ABCC4: variants seen among roughly 807,000 people sequenced by gnomAD.
ABCC4 encodes ATP-binding cassette sub-family C member 4.
ABCC4 carries 102 observed loss-of-function variants against 168.5 expected under a neutral mutation model. That is an observed-to-expected ratio of 0.61 (90% CI 0.52 to 0.71). The LOEUF is 0.71. Ranked by LOEUF, ABCC4 falls within the 30% of genes least tolerant of loss-of-function variation. The probability of loss-of-function intolerance (pLI) is 0.00; values close to 1 mark genes in which losing one functional copy is unlikely to be tolerated. For synonymous variants in ABCC4, 617 were observed against 590.7 expected, an observed-to-expected ratio of 1.04 and a Z score of -0.65; for missense variants, 1,402 against 1,605.8, an observed-to-expected ratio of 0.87 and a Z score of 2.17.
At chr13:95,097,099 C>A (rs1303507102) in intron 20 of ABCC4, among the ~76,000 whole-genome samples, 1 of 151,950 alleles carries the variant, frequency 6.6e-6, no homozygotes, top group Non-Finnish European at 1.5e-5. Context: ...CTATTGTTTG[C>A]AAATTTGGTA....
intron 19 of ABCC4, among the ~76,000 whole-genome samples, chr13:95,143,753 A>T (rs1302401012): frequency 2.6e-5 from 4 of 152,286 alleles, no homozygotes; most frequent in African/African-American, 9.6e-5. Flanking sequence ...AATTATAAAA[A>T]CTTGATTTAG....
At chr13:95,159,965 A>C (rs2139538776) in intron 19 of ABCC4, among the ~76,000 whole-genome samples, 1 of 152,302 alleles carries the variant, frequency 6.6e-6, no homozygotes, top group East Asian at 1.9e-4. Context: ...ATGTTGCTAC[A>C]CCCAGTTTCA....
chr13:95,191,944 C>T (rs1389508347), intron 9 of ABCC4, among the ~76,000 whole-genome samples: 5 of 152,246 alleles, frequency 3.3e-5, no homozygotes, highest in Non-Finnish European at 5.9e-5. Context: ...AAGGGGGCAG[C>T]ACTCGACAGC....
intron 27 of ABCC4, among the ~76,000 whole-genome samples, chr13:95,050,230 G>C (rs1374252094): frequency 6.6e-6 from 1 of 152,170 alleles, no homozygotes; most frequent in African/African-American, 2.4e-5. Context: ...TTCTCTACGA[G>C]AAGACCCTCA....
At chr13:95,236,170 C>T (rs1322373894) in intron 3 of ABCC4, among the ~76,000 whole-genome samples, 1 of 152,114 alleles carries the variant, frequency 6.6e-6, no homozygotes, top group Non-Finnish European at 1.5e-5. Flanking sequence ...TCCTCCCTCT[C>T]GAACCCGTTG....
At chr13:95,094,278 T>C (rs1365963663) in intron 20 of ABCC4, among the ~76,000 whole-genome samples, 1 of 152,134 alleles carries the variant, frequency 6.6e-6, no homozygotes, top group Non-Finnish European at 1.5e-5. Flanking sequence ...GATTTCAAAC[T>C]GTACTATAAG....
chr13:95,073,091 T>C, intron 24 of ABCC4, 113 bp downstream of exon 24: 1 of 766,498 alleles, frequency 1.3e-6, no homozygotes, highest in East Asian at 2.9e-5. Context: ...TTAAAAAAAA[T>C]CTGTTACCAA....
rs1349244779 is a variant in ABCC4, at chr13:95,176,227, G to C, written c.1727+1480C>G. Among the ~76,000 whole-genome samples, 210 of 37,722 alleles carry C rather than the reference G, an allele frequency of 5.6e-3. 8 individuals are homozygous for C. The highest frequency in any genetic ancestry group is 7.5e-3 in the Non-Finnish European group (137 of 18,292). 24.7% of individuals were successfully genotyped at this position (37,722 alleles called of 152,430 possible). A position where few individuals can be genotyped will look rare whatever the true frequency, so the allele number is the denominator to read the frequency against. ...AGCACTCCAGGAAGCCGAGGGCAGG[G>C]GGGGGGGGGGGGGGGGGGTGGATCC... On this transcript the variant is annotated intron_variant, in intron 13 of 30. Coordinates refer to ENST00000645237, the MANE Select transcript of ABCC4 (RefSeq NM_005845.5).
intron 13 of ABCC4, among the ~76,000 whole-genome samples, chr13:95,176,731 G>T (rs967940201): frequency 9.9e-5 from 15 of 152,190 alleles, no homozygotes; most frequent in Non-Finnish European, 4.4e-5. Flanking sequence ...ATCTGCAGGA[G>T]CATCTACCTC....
At chr13:95,244,644 A>G (rs59337063) in intron 3 of ABCC4, among the ~76,000 whole-genome samples, 932 of 38,450 alleles carry the variant, frequency 0.024, 303 homozygotes, top group Non-Finnish European at 0.034. Flanking sequence ...AAAGAAAGAA[A>G]GAAAGAAAGA....
intron 1 of ABCC4, among the ~76,000 whole-genome samples, chr13:95,297,204 G>C (rs2041556568): frequency 6.6e-6 from 1 of 151,090 alleles, no homozygotes; most frequent in Non-Finnish European, 1.5e-5. Context: ...CCTGGAGGCG[G>C]AGGTTGCAGT....
At chr13:95,029,178 A>G (rs1049783068) in intron 30 of ABCC4, among the ~76,000 whole-genome samples, 3 of 50,304 alleles carry the variant, frequency 6.0e-5, no homozygotes, top group East Asian at 5.3e-4. Flanking sequence ...ATATATATAT[A>G]TATATATATA....
chr13:95,287,644 G>A (rs2041293287), intron 1 of ABCC4, among the ~76,000 whole-genome samples: 1 of 151,936 alleles, frequency 6.6e-6, no homozygotes, highest in Non-Finnish European at 1.5e-5. Flanking sequence ...CCAGATACTT[G>A]GGAGGATCAG....
intron 9 of ABCC4, among the ~76,000 whole-genome samples, chr13:95,194,139 C>A (rs2038342952): frequency 6.6e-6 from 1 of 152,204 alleles, no homozygotes; most frequent in South Asian, 2.1e-4. Context: ...CTCAGTACTT[C>A]TTGTGGGTGG....
At chr13:95,297,345 T>C (rs562257747) in intron 1 of ABCC4, among the ~76,000 whole-genome samples, 2 of 151,368 alleles carry the variant, frequency 1.3e-5, no homozygotes, top group East Asian at 3.9e-4. Context: ...CCAACAGCCA[T>C]AATGCATGAC....
In ABCC4 at chr13:95,021,345, C is replaced by T; in HGVS notation, c.*230G>A. The T allele has an allele frequency of 2.2e-6, 1 of 447,034 alleles. No individual in the cohort carries two copies. Among genetic ancestry groups the T allele is most frequent in the Non-Finnish European group, 4.0e-6 (1 of 253,134 alleles). 27.7% of individuals were successfully genotyped at this position (447,034 alleles called of 1,614,324 possible). A position where few individuals can be genotyped will look rare whatever the true frequency, so the allele number is the denominator to read the frequency against. On this transcript the variant is annotated 3_prime_UTR_variant, in exon 31 of 31. Coordinates refer to ENST00000645237, the MANE Select transcript of ABCC4 (RefSeq NM_005845.5). ...CTGATAGACGGCATTTAACTGGTGG[C>T]CTGCACCTCTGATTTGGATTTTAAA...
At chr13:95,177,605 G>C in intron 13 of ABCC4, 102 bp downstream of exon 13, 1 of 849,028 alleles carries the variant, frequency 1.2e-6, no homozygotes, top group South Asian at 1.8e-5. Context: ...GGAGGGGAGC[G>C]GACACCAGAG....
intron 20 of ABCC4, among the ~76,000 whole-genome samples, chr13:95,097,589 A>ATTT (rs2034646335): frequency 1.0e-5 from 1 of 97,974 alleles, no homozygotes; most frequent in East Asian, 2.8e-4. Context: ...CAGAATATAC[A>ATTT]TTCTTTTTTT....
chr13:95,092,688 C>T (rs538318112), intron 20 of ABCC4, among the ~76,000 whole-genome samples: 142 of 151,934 alleles, frequency 9.3e-4, no homozygotes, highest in Non-Finnish European at 1.7e-3. Flanking sequence ...AAGAACAAAC[C>T]AAACCCAAAC....
Sources: allele counts gnomAD v4.1 joint callset (sites outside exome capture counted in the v4.1 genomes callset), GRCh38; gene constraint gnomAD v4.1.1; transcripts MANE v1.5; gene names NCBI Gene and HGNC (gene_info 2026-07-23, HGNC 2026-07-21).